TLN1: variants seen among roughly 807,000 people sequenced by gnomAD.
The protein encoded by TLN1 is talin-1.
In TLN1, 56 loss-of-function variants were observed where a neutral mutation model predicts 292.3. The observed-to-expected ratio is 0.19, with a 90% CI of 0.15 to 0.24. TLN1 has a LOEUF of 0.24. Ranked by LOEUF, TLN1 falls within the 10% of genes least tolerant of loss-of-function variation. The probability of loss-of-function intolerance (pLI) is 1.00; values close to 1 mark genes in which losing one functional copy is unlikely to be tolerated. For synonymous variants in TLN1, 1,119 were observed against 1,253.7 expected (o/e 0.89, Z 2.27); for missense variants, 2,433 against 3,248.2 (o/e 0.75, Z 6.10).
chr9:35,711,358 T>G lies in TLN1; in HGVS notation c.3916A>C (p.Lys1306Gln). ...TTGCTTGAAGACATGGAGATGCCCT[T>G]CAAGTTGGACACAACTTGGGCTCGG... Reference protein sequence around the residue: ...EDRAQVVSNLKGISMSSSKLL... With the variant: ...EDRAQVVSNLQGISMSSSKLL... Residue 1306 changes from lysine to glutamine, a missense_variant, in exon 30 of 57, where the codon AAG (lysine) becomes CAG (glutamine). By Grantham distance (53) the Lys-to-Gln change is moderately conservative (BLOSUM62 1). Coordinates refer to ENST00000314888, the MANE Select transcript of TLN1 (RefSeq NM_006289.4). 6.2e-7 allele frequency: 1 copy of G among 1,614,140 alleles called. No individual in the cohort carries two copies. The highest frequency in any genetic ancestry group is 8.5e-7 in the Non-Finnish European group (1 of 1,180,016).
At position 35,703,838 on chromosome 9, in the gene TLN1, C is replaced by T. The variant is rs138119130; in HGVS notation, c.6294G>A (p.Thr2098=). ...CTCCAACTTTGCCAGCTGCAGCCTT[C>T]GTTGCACTGATGAGGTCTCCCAGGG... ...AKALGDLISA[T]KAAAGKVGDD... The change falls in exon 47 of 57, where the codon ACG becomes ACA. Residue 2098 remains threonine (T), a synonymous_variant. Transcript: ENST00000314888. The T allele has an allele frequency of 2.6e-5, 42 of 1,614,228 alleles. No homozygotes were observed. The highest frequency in any genetic ancestry group is 1.2e-4 in the African/African-American group (9 of 75,066).
intron 1 of TLN1, 68 bp from the exon 2 acceptor site, chr9:35,725,795 A>G (rs902609217): frequency 1.7e-5 from 24 of 1,442,820 alleles, no homozygotes; most frequent in Admixed American, 1.1e-4. Flanking sequence ...CAGATGGTGG[A>G]GTCCAAGGGA....
In TLN1 at chr9:35,722,885, C is replaced by T. The variant is rs779370236; in HGVS notation, c.819G>A (p.Gln273=). 1 of 1,614,020 alleles carries T rather than the reference C, an allele frequency of 6.2e-7. No homozygotes were observed. Among genetic ancestry groups the T allele is most frequent in the Non-Finnish European group, 8.5e-7 (1 of 1,179,936 alleles). Reference sequence around the variant, plus strand: ...CCTGGAAGATCTTACGCTCTCCCTTCTGCTTCACATACTCCTTGGGCAGGA... The same window carrying T: ...CCTGGAAGATCTTACGCTCTCCCTTTTGCTTCACATACTCCTTGGGCAGGA... ...KDFLPKEYVK[Q]KGERKIFQAH... The change falls in exon 8 of 57, where the codon CAG becomes CAA. Residue 273 remains glutamine, a synonymous_variant. Coordinates refer to ENST00000314888, the MANE Select transcript of TLN1 (RefSeq NM_006289.4).
chr9:35,705,458 AAAGACCAGAG>A, intron 43 of TLN1, 83 bp downstream of exon 43: 10 of 1,325,828 alleles, frequency 7.5e-6, no homozygotes, highest in Non-Finnish European at 1.0e-5. Context: ...CCTTTCTATG[AAAGACCAGAG>A]AGGGTGGGGG....
rs746207333 is a variant in TLN1, at chr9:35,711,631, G to C, written c.3843C>G (p.Phe1281Leu). ...CTGCCATCTCCACACCAGCTTCCAG[G>C]AAGGTGCTGAAGTCCTGTCCAAATC... ...SGRFGQDFST[F>L]LEAGVEMAGQ... Residue 1281 changes from phenylalanine to leucine, a missense_variant, in exon 29 of 57, where the codon TTC becomes TTG. Transcript: ENST00000314888. 6.2e-7 allele frequency: 1 copy of C among 1,614,060 alleles called. No homozygotes were observed. Among genetic ancestry groups the C allele is most frequent in the Non-Finnish European group, 8.5e-7 (1 of 1,180,036 alleles).
intron 27 of TLN1, 123 bp from the exon 28 acceptor site, chr9:35,712,247 T>C: frequency 7.5e-7 from 1 of 1,332,990 alleles, no homozygotes; most frequent in Non-Finnish European, 1.0e-6. Flanking sequence ...AAGGGGGCGT[T>C]GTAGGTGAAC....
At chr9:35,721,917 C>T in intron 9 of TLN1, 114 bp from the exon 10 acceptor site, 1 of 1,417,098 alleles carries the variant, frequency 7.1e-7, no homozygotes, top group East Asian at 2.3e-5. Context: ...GGCTAACGGA[C>T]AAGGGAAAAT....
chr9:35,716,638 T>C, intron 19 of TLN1, 82 bp from the exon 20 acceptor site: 1 of 1,505,546 alleles, frequency 6.6e-7, no homozygotes, highest in Non-Finnish European at 9.0e-7. Flanking sequence ...GGAAAAGTGG[T>C]GTAGACAAGG....
intron 1 of TLN1, among the ~76,000 whole-genome samples, chr9:35,729,220 C>G (rs1826028608): frequency 1.3e-5 from 2 of 152,200 alleles, no homozygotes; most frequent in Admixed American, 6.5e-5. Flanking sequence ...AGCCAGGATC[C>G]GAACCCAGGT....
rs368531389 is a variant in TLN1, at chr9:35,722,897, C to T, written c.807G>A (p.Glu269=). Residue 269 remains glutamate (E), a synonymous_variant, in exon 8 of 57, where the codon GAG becomes GAA. Transcript: ENST00000314888. ...TACGCTCTCCCTTCTGCTTCACATA[C>T]TCCTTGGGCAGGAAGTCCTTCAGGC... ...FLDLKDFLPK[E]YVKQKGERKI... The T allele has an allele frequency of 5.0e-5, 81 of 1,613,894 alleles. No individual in the cohort carries two copies. Among genetic ancestry groups the T allele is most frequent in the Non-Finnish European group, 6.8e-5 (80 of 1,179,932 alleles).
chr9:35,700,515 C>T (rs1825447480), intron 48 of TLN1, 139 bp from the exon 49 acceptor site: 1 of 898,368 alleles, frequency 1.1e-6, no homozygotes, highest in African/African-American at 1.7e-5. Flanking sequence ...TTGTTTCTGA[C>T]TGAAGCAACT....
intron 12 of TLN1, 90 bp downstream of exon 12, chr9:35,720,343 C>T (rs771091551): frequency 1.5e-5 from 23 of 1,555,980 alleles, no homozygotes; most frequent in Non-Finnish European, 1.9e-5. Context: ...AAGAACCATT[C>T]TAAGGACTCC....
Position 35,698,246 on chromosome 9 carries a change from A to G in TLN1, c.7372-74T>C. Reference sequence around the variant, plus strand: ...GTTGAGACAGTACCTCAATTCTCTCATAGAAACATACATCTCGGGAGTGAC... The same window carrying G: ...GTTGAGACAGTACCTCAATTCTCTCGTAGAAACATACATCTCGGGAGTGAC... On this transcript the variant is annotated intron_variant, in intron 55 of 56. Coordinates refer to ENST00000314888, the MANE Select transcript of TLN1 (RefSeq NM_006289.4). The surrounding 1 kb of genome is among the most constrained non-coding windows in gnomAD (Gnocchi z 5.3). 6.2e-7 allele frequency: 1 copy of G among 1,608,720 alleles called. No individual in the cohort carries two copies. Among genetic ancestry groups the G allele is most frequent in the African/African-American group, 1.3e-5 (1 of 74,892 alleles).
Position 35,706,560 on chromosome 9 carries a change from G to A in TLN1, c.5089-9C>T. ...ATCTGAGTGTGCAAGGCCTGGGGAG[G>A]AAGTGGACATTAGCCCTGATGGTGA... On this transcript the variant is annotated splice_polypyrimidine_tract_variant and intron_variant, in intron 38 of 56. Coordinates refer to ENST00000314888, the MANE Select transcript of TLN1 (RefSeq NM_006289.4). The surrounding 1 kb of genome is among the most constrained non-coding windows in gnomAD (Gnocchi z 4.2). 1 of 1,613,546 alleles carries A rather than the reference G, an allele frequency of 6.2e-7. No homozygotes were observed. The highest frequency in any genetic ancestry group is 8.5e-7 in the Non-Finnish European group (1 of 1,179,742).
Position 35,724,393 on chromosome 9 carries a change from T to C in TLN1, c.512-59A>G. ...CCCATGGCCCCTGTGCTGTCTGGTC[T>C]CTGTTTATTTCTGCATTTCCTACCT... On this transcript the variant is annotated intron_variant, in intron 5 of 56. Transcript: ENST00000314888. The surrounding 1 kb of genome is among the most constrained non-coding windows in gnomAD (Gnocchi z 4.7). The C allele has an allele frequency of 1.9e-6, 3 of 1,602,488 alleles. No individual in the cohort carries two copies. Among genetic ancestry groups the C allele is most frequent in the Non-Finnish European group, 2.6e-6 (3 of 1,171,328 alleles).
chr9:35,702,553 C>T (rs533519077), intron 48 of TLN1, among the ~76,000 whole-genome samples: 24 of 151,932 alleles, frequency 1.6e-4, no homozygotes, highest in African/African-American at 2.9e-4. Flanking sequence ...AGTGCAGTGG[C>T]GCCATCTTGG....
chr9:35,712,088 C>T lies in TLN1; in HGVS notation c.3598G>A (p.Val1200Ile), dbSNP rs759816391. The T allele has an allele frequency of 6.2e-7, 1 of 1,614,020 alleles. No homozygotes were observed. Among genetic ancestry groups the T allele is most frequent in the South Asian group, 1.1e-5 (1 of 91,018 alleles). The change falls in exon 28 of 57, where the codon GTC becomes ATC. Residue 1200 changes from valine to isoleucine, a missense_variant. Transcript: ENST00000314888. Reference sequence around the variant, plus strand: ...TCGCGCTGGCCAGGTAGGCAGCTGACACAGCGGTTCAGAGCCTGGGTCACT... The same window carrying T: ...TCGCGCTGGCCAGGTAGGCAGCTGATACAGCGGTTCAGAGCCTGGGTCACT... ...KAVTQALNRC[V>I]SCLPGQRDVD...
Position 35,732,105 on chromosome 9 carries a change from C to A in TLN1, c.-64G>T. The A allele has an allele frequency of 6.5e-6, 1 of 153,904 alleles. No individual in the cohort carries two copies. Among genetic ancestry groups the A allele is most frequent in the South Asian group, 1.8e-4 (1 of 5,634 alleles). 9.5% of individuals were successfully genotyped at this position (153,904 alleles called of 1,614,324 possible). On this transcript the variant is annotated 5_prime_UTR_variant, in exon 1 of 57. Transcript: ENST00000314888. The surrounding 1 kb of genome is among the most constrained non-coding windows in gnomAD (Gnocchi z 5.1). ...CTGCCTGGCTCTGCGCCCCGCCCGCCGGCCCGCCGCCCCGCCGCTTCTCGG... is the reference window on the plus strand; with the variant it reads ...CTGCCTGGCTCTGCGCCCCGCCCGCAGGCCCGCCGCCCCGCCGCTTCTCGG...
At chr9:35,708,992 G>A (rs1398943829) in intron 33 of TLN1, among the ~76,000 whole-genome samples, 1 of 152,248 alleles carries the variant, frequency 6.6e-6, no homozygotes, top group Non-Finnish European at 1.5e-5. Context: ...CCATTTTTAT[G>A]ATGGAAAGAA....
Sources: gnomAD v4.1 joint callset for allele counts (sites outside exome capture counted in the v4.1 genomes callset) on GRCh38, gnomAD v4.1.1 for gene constraint, Gnocchi (gnomAD v3.1) non-coding constraint, MANE v1.5 for transcripts, NCBI Gene and HGNC (gene_info 2026-07-23, HGNC 2026-07-21) for gene names.